Variants in USP8 observed in about 807,000 individuals in gnomAD.
The protein encoded by USP8 is ubiquitin specific peptidase 8.
Under a neutral mutation model 130.0 loss-of-function variants are expected in USP8, and 27 were observed. That is an observed-to-expected ratio of 0.21 (90% CI 0.15 to 0.29). The LOEUF is 0.29. Among genes scored for constraint, USP8 ranks in the 10% least tolerant of loss-of-function variants. USP8 has a pLI of 1.00. For synonymous variants in USP8, 392 were observed against 444.1 expected (o/e 0.88, Z 1.48); for missense variants, 1,029 against 1,312.2 (o/e 0.78, Z 3.33).
At chr15:50,430,700 A>G (rs2049902338) in intron 1 of USP8, among the ~76,000 whole-genome samples, 1 of 152,208 alleles carries the variant, frequency 6.6e-6, no homozygotes, top group South Asian at 2.1e-4. Flanking sequence ...ATCAAAGTCA[A>G]CATTGATGCC....
intron 12 of USP8, among the ~76,000 whole-genome samples, chr15:50,485,514 C>T (rs868517818): frequency 4.3e-5 from 6 of 139,192 alleles, no homozygotes; most frequent in African/African-American, 1.6e-4. Flanking sequence ...ATTTGCATAC[C>T]ATAAAATTCA....
chr15:50,445,856 C>CA (rs200962937), intron 3 of USP8, among the ~76,000 whole-genome samples: 489 of 97,292 alleles, frequency 5.0e-3, no homozygotes, highest in African/African-American at 7.6e-3. Flanking sequence ...GACTCCGTCT[C>CA]AAAAAAAAAA....
At chr15:50,490,177 A>C in intron 13 of USP8, 86 bp from the exon 14 acceptor site, 1 of 1,347,806 alleles carries the variant, frequency 7.4e-7, no homozygotes, top group Non-Finnish European at 1.0e-6. Flanking sequence ...AAGTAAATTT[A>C]GCAGAATACT....
At chr15:50,485,018 A>G (rs1427595744) in intron 12 of USP8, among the ~76,000 whole-genome samples, 4 of 152,178 alleles carry the variant, frequency 2.6e-5, no homozygotes, top group South Asian at 4.1e-4. Flanking sequence ...GTAGGTACAG[A>G]GTTTCAGTTT....
At chr15:50,468,050 C>T (rs2051249242) in intron 7 of USP8, among the ~76,000 whole-genome samples, 1 of 151,688 alleles carries the variant, frequency 6.6e-6, no homozygotes, top group Non-Finnish European at 1.5e-5. Context: ...TTTCTTCTGC[C>T]TCAGCCCCCT....
intron 16 of USP8, among the ~76,000 whole-genome samples, chr15:50,494,993 T>C (rs940649736): frequency 3.4e-5 from 5 of 146,950 alleles, no homozygotes; most frequent in African/African-American, 1.3e-4. Context: ...CACTCCAGCC[T>C]GGGCGACAGA....
chr15:50,455,338 A>G (rs556449530), intron 4 of USP8, among the ~76,000 whole-genome samples: 5 of 151,462 alleles, frequency 3.3e-5, no homozygotes, highest in African/African-American at 9.7e-5. Flanking sequence ...AGGGCCTCCC[A>G]AAGAGTTAGG....
At chr15:50,490,690 G>A (rs1207701985) in intron 14 of USP8, among the ~76,000 whole-genome samples, 165 bp downstream of exon 14, 2 of 152,098 alleles carry the variant, frequency 1.3e-5, no homozygotes, top group African/African-American at 4.8e-5. Context: ...TAGAGAAAAT[G>A]TTGTTGGTTT....
Position 50,492,735 on chromosome 15 carries a change from C to G in USP8, c.2269C>G (p.Leu757Val), listed in dbSNP as rs1284483311. The G allele has an allele frequency of 1.2e-6, 2 of 1,614,038 alleles. No homozygotes were observed. Among genetic ancestry groups the G allele is most frequent in the Admixed American group, 1.7e-5 (1 of 60,018 alleles). ...TCYPKAEISR[L>V]SASQIRNLNP... ...TTATCCTAAAGCTGAGATCTCAAGG[C>G]TTTCTGCTTCTCAGATTCGGAACCT... is the stretch of plus-strand genomic sequence containing the variant. The change falls in exon 15 of 20, where the codon CTT becomes GTT. Residue 757 changes from leucine to valine, a missense_variant. Physicochemically the swap from Leu to Val is conservative, Grantham distance 32. Transcript: ENST00000307179.
intron 18 of USP8, 85 bp downstream of exon 18, chr15:50,497,316 C>T (rs2141329765): frequency 6.8e-7 from 1 of 1,471,434 alleles, no homozygotes; most frequent in East Asian, 2.4e-5. Context: ...GTTGTACTGC[C>T]TGCCATGGGC....
At chr15:50,432,075 T>C (rs1595895709) in intron 1 of USP8, among the ~76,000 whole-genome samples, 1 of 152,150 alleles carries the variant, frequency 6.6e-6, no homozygotes, top group African/African-American at 2.4e-5. Context: ...CTTATAGTAA[T>C]TGTCTGTTGA....
intron 6 of USP8, among the ~76,000 whole-genome samples, chr15:50,464,099 C>G (rs1325982151): frequency 6.6e-6 from 1 of 151,890 alleles, no homozygotes; most frequent in African/African-American, 2.4e-5. Flanking sequence ...CTTGGGGAAC[C>G]TTATGGGCTT....
chr15:50,460,640 A>G (rs1354197035), intron 5 of USP8, among the ~76,000 whole-genome samples: 1 of 151,894 alleles, frequency 6.6e-6, no homozygotes, highest in Non-Finnish European at 1.5e-5. Flanking sequence ...TTTAGTGACT[A>G]CTTGTGGTCT....
At chr15:50,495,765 A>T in intron 16 of USP8, 83 bp from the exon 17 acceptor site, 1 of 1,099,824 alleles carries the variant, frequency 9.1e-7, no homozygotes, top group Admixed American at 2.5e-5. Flanking sequence ...AAATCTGGCA[A>T]GTGTTTGTAT....
chr15:50,498,833 G>GAAACT (rs1566895613), intron 19 of USP8, 70 bp from the exon 20 acceptor site: 1 of 1,547,182 alleles, frequency 6.5e-7, no homozygotes, highest in Non-Finnish European at 8.7e-7. Flanking sequence ...ATAAAGCTTT[G>GAAACT]AAACTATTGG....
intron 18 of USP8, chr15:50,497,841 C>G (rs2052476572): frequency 6.6e-6 from 1 of 152,028 alleles, no homozygotes; most frequent in South Asian, 2.1e-4. Context: ...GGAAGTTGCA[C>G]TTTTTTATTG....
chr15:50,475,602 TTTAC>T (rs1212440980), intron 8 of USP8, among the ~76,000 whole-genome samples: 3 of 150,916 alleles, frequency 2.0e-5, no homozygotes, highest in Non-Finnish European at 2.9e-5. Flanking sequence ...TATATATTTA[TTTAC>T]TTATTTATTT....
intron 1 of USP8, among the ~76,000 whole-genome samples, chr15:50,425,749 A>G (rs531631215): frequency 9.2e-5 from 14 of 152,304 alleles, no homozygotes; most frequent in African/African-American, 3.1e-4. Context: ...ACTAACAAAA[A>G]TGTTTTAAAG....
chr15:50,450,503 C>G (rs1555385234), intron 4 of USP8, among the ~76,000 whole-genome samples: 1 of 108,552 alleles, frequency 9.2e-6, no homozygotes, highest in African/African-American at 3.4e-5. Flanking sequence ...GGAGTTTTGC[C>G]TCTTGTTTCC....
Sources: allele counts gnomAD v4.1 joint callset (sites outside exome capture counted in the v4.1 genomes callset), GRCh38; gene constraint gnomAD v4.1.1; transcripts MANE v1.5; gene names NCBI Gene and HGNC (gene_info 2026-07-23, HGNC 2026-07-21).